The following PDE10A variants were observed in gnomAD, a reference collection of about 807,000 sequenced individuals.
The protein encoded by PDE10A is phosphodiesterase 10A, also known as cAMP and cAMP-inhibited cGMP 3',5'-cyclic phosphodiesterase 10A.
A neutral mutation model predicts 97.7 loss-of-function variants in PDE10A; 39 were observed. The observed-to-expected ratio is 0.40, with a 90% CI of 0.31 to 0.52. The LOEUF is 0.52. Ranked by LOEUF, PDE10A falls within the 20% of genes least tolerant of loss-of-function variation. PDE10A has a pLI of 0.56. For missense variants in PDE10A, 731 were observed against 1,047.8 expected (o/e 0.70, Z 4.17); for synonymous variants, 371 against 376.8 (o/e 0.98, Z 0.18).
chr6:165,571,694 G>A (rs966990017), intron 1 of PDE10A, among the ~76,000 whole-genome samples: 1 of 152,202 alleles, frequency 6.6e-6, no homozygotes, highest in Non-Finnish European at 1.5e-5. Context: ...CCATTCTTAA[G>A]TGTTTAGTAC....
intron 1 of PDE10A, among the ~76,000 whole-genome samples, chr6:165,965,290 C>T (rs916635406): frequency 6.6e-6 from 1 of 151,982 alleles, no homozygotes; most frequent in Admixed American, 6.6e-5. Context: ...CCCAAGTTTC[C>T]GGGCTGGGTA....
chr6:165,823,501 T>C (rs1239457455), intron 1 of PDE10A, among the ~76,000 whole-genome samples: 2 of 96,724 alleles, frequency 2.1e-5, no homozygotes, highest in African/African-American at 7.2e-5. Flanking sequence ...TATATATATA[T>C]ATATATATAT....
intron 1 of PDE10A, among the ~76,000 whole-genome samples, chr6:165,813,836 G>A (rs1049685490): frequency 6.6e-6 from 1 of 152,082 alleles, no homozygotes; most frequent in Admixed American, 6.6e-5. Context: ...ATTGAGATGG[G>A]TCACCTACAA....
chr6:165,338,516 T>C (rs1781780323), intron 20 of PDE10A, among the ~76,000 whole-genome samples: 1 of 152,160 alleles, frequency 6.6e-6, no homozygotes, highest in South Asian at 2.1e-4. Context: ...AAATAAATTA[T>C]GTAGTATGAC....
intron 18 of PDE10A, among the ~76,000 whole-genome samples, chr6:165,351,370 C>G (rs908851369): frequency 6.6e-6 from 1 of 151,992 alleles, no homozygotes; most frequent in Non-Finnish European, 1.5e-5. Context: ...AAGATTAGGA[C>G]TTCCAGCAAA....
chr6:165,905,029 C>G (rs1303802768), intron 1 of PDE10A, among the ~76,000 whole-genome samples: 2 of 151,936 alleles, frequency 1.3e-5, no homozygotes, highest in Non-Finnish European at 2.9e-5. Flanking sequence ...TCATTATGAG[C>G]TTTTGTGTAA....
chr6:165,882,681 A>G (rs1268903205), intron 1 of PDE10A, among the ~76,000 whole-genome samples: 1 of 151,720 alleles, frequency 6.6e-6, no homozygotes, highest in Non-Finnish European at 1.5e-5. Flanking sequence ...AGAAGTACAC[A>G]TGGTCTTCTA....
chr6:165,450,166 A>G lies in PDE10A; in HGVS notation c.1144+76T>C, dbSNP rs1246558888. The G allele has an allele frequency of 3.3e-6, 3 of 918,334 alleles. No individual in the cohort carries two copies. In the African/African-American group the frequency reaches 5.1e-5, roughly 16 times the overall value. The allele number at this position is 918,334 out of a possible 1,614,324, so 56.9% of individuals were successfully genotyped here. On this transcript the variant is annotated intron_variant, in intron 4 of 21. Coordinates refer to ENST00000539869, the MANE Select transcript of PDE10A (RefSeq NM_001385079.1). ...TATAAATGACTTTCATCTGCCTCTTAGTAAGTAGTTTTTGCTGCTTTTTGT... is the reference window on the plus strand; with the variant it reads ...TATAAATGACTTTCATCTGCCTCTTGGTAAGTAGTTTTTGCTGCTTTTTGT...
Position 165,435,391 on chromosome 6 carries a change from A to G in PDE10A, c.1195-14T>C, listed in dbSNP as rs779060320. The G allele has an allele frequency of 6.2e-7, 1 of 1,609,626 alleles. No homozygotes were observed. Among genetic ancestry groups the G allele is most frequent in the Non-Finnish European group, 8.5e-7 (1 of 1,178,232 alleles). On this transcript the variant is annotated splice_polypyrimidine_tract_variant and intron_variant, in intron 5 of 21. Transcript: ENST00000539869. Reference sequence around the variant, plus strand: ...TATACACAGGCTCTAGGGAGAAGAAAAGATGTTTTACAGACTTTCCTGTAC... The same window carrying G: ...TATACACAGGCTCTAGGGAGAAGAAGAGATGTTTTACAGACTTTCCTGTAC...
chr6:165,834,025 G>A (rs184564975), intron 1 of PDE10A, among the ~76,000 whole-genome samples: 1 of 152,330 alleles, frequency 6.6e-6, no homozygotes, highest in East Asian at 1.9e-4. Flanking sequence ...TGTAGCCACT[G>A]GAGTGACTGA....
rs999869300 is a variant in PDE10A at position 165,711,317 on chromosome 6, T to C, written c.-614-167749A>G. Among the ~76,000 whole-genome samples, 1 of 152,206 alleles carries C rather than the reference T, an allele frequency of 6.6e-6. No individual in the cohort carries two copies. Among genetic ancestry groups the C allele is most frequent in the African/African-American group, 2.4e-5 (1 of 41,460 alleles). ...CTTCAAGTTGGGCACTGTGGCACCA[T>C]TACAGATGGTATGATTCAGCGTGCT... is the stretch of plus-strand genomic sequence containing the variant. On this transcript the variant is annotated intron_variant, in intron 1 of 19. Coordinates refer to the PDE10A transcript ENST00000366882. The surrounding 1 kb of genome is among the most constrained non-coding windows in gnomAD (Gnocchi z 4.5).
chr6:165,375,839 T>C (rs1057218803), intron 18 of PDE10A, among the ~76,000 whole-genome samples: 1 of 152,208 alleles, frequency 6.6e-6, no homozygotes, highest in Non-Finnish European at 1.5e-5. Context: ...GCTCTATAAA[T>C]GGAACAACAA....
intron 19 of PDE10A, among the ~76,000 whole-genome samples, 160 bp from the exon 20 acceptor site, chr6:165,339,518 A>T (rs1781850670): frequency 6.6e-6 from 1 of 152,232 alleles, no homozygotes; most frequent in African/African-American, 2.4e-5. Context: ...AGAAAAACTT[A>T]ATGTATCATT....
chr6:165,497,305 C>T (rs1780597970), intron 2 of PDE10A, among the ~76,000 whole-genome samples: 1 of 152,118 alleles, frequency 6.6e-6, no homozygotes, highest in Non-Finnish European at 1.5e-5. Flanking sequence ...GAGAGTAACA[C>T]GAAGCTTTCC....
chr6:165,911,344 C>T (rs537756661), intron 1 of PDE10A, among the ~76,000 whole-genome samples: 87 of 152,232 alleles, frequency 5.7e-4, no homozygotes, highest in African/African-American at 1.9e-3. Flanking sequence ...ATGGCAAAGA[C>T]GTTACATAAC....
intron 1 of PDE10A, chr6:165,718,346 A>C (rs1246569913): frequency 2.0e-5 from 3 of 152,224 alleles, no homozygotes; most frequent in Non-Finnish European, 4.4e-5. Context: ...CACTAAAAGA[A>C]AATTCTTGAA....
rs1249355028 is a variant in PDE10A, at chr6:165,602,371, CAT to C, written c.866-58805_866-58804del. ...TGAGTGGACTCTGGGGAATAATCCA[CAT>C]GTCTCCCTTCGGTCTCTCTCGGGGA... On this transcript the variant is annotated intron_variant, in intron 1 of 21. Coordinates refer to ENST00000539869, the MANE Select transcript of PDE10A (RefSeq NM_001385079.1). Among the ~76,000 whole-genome samples the C allele has an allele frequency of 6.6e-5, 10 of 152,264 alleles. No individual in the cohort carries two copies. In the South Asian group the frequency reaches 1.0e-3, roughly 16 times the overall value.
chr6:165,480,013 T>C (rs1280077088), intron 3 of PDE10A, among the ~76,000 whole-genome samples: 3 of 152,178 alleles, frequency 2.0e-5, no homozygotes, highest in African/African-American at 7.2e-5. Flanking sequence ...CTGTCCCACC[T>C]CATTTTACCA....
intron 1 of PDE10A, among the ~76,000 whole-genome samples, chr6:165,925,654 T>G (rs1038509140): frequency 5.3e-5 from 8 of 152,170 alleles, no homozygotes; most frequent in Admixed American, 3.3e-4. Context: ...TCAATAACAT[T>G]CTTGAAATAA....
Sources: gnomAD v4.1 joint callset for allele counts (sites outside exome capture counted in the v4.1 genomes callset) on GRCh38, gnomAD v4.1.1 for gene constraint, Gnocchi (gnomAD v3.1) non-coding constraint, MANE v1.5 for transcripts, NCBI Gene and HGNC (gene_info 2026-07-23, HGNC 2026-07-21) for gene names.